The following MEMO1 variants were observed in gnomAD, a reference collection of about 807,000 sequenced individuals.
The protein encoded by MEMO1 is protein MEMO1.
MEMO1 carries 6 observed loss-of-function variants against 45.2 expected under a neutral mutation model. The ratio of observed to expected loss-of-function variants is 0.13; its 90% CI spans 0.07 to 0.26. The LOEUF is 0.26. Ranked by LOEUF, MEMO1 falls within the 10% of genes least tolerant of loss-of-function variation. The pLI is 1.00. For missense variants in MEMO1, 184 were observed against 370.5 expected (o/e 0.50, Z 4.13); for synonymous variants, 78 against 124.3 (o/e 0.63, Z 2.48).
intron 6 of MEMO1, among the ~76,000 whole-genome samples, chr2:31,896,438 A>T (rs1402973736): frequency 6.6e-6 from 1 of 152,180 alleles, no homozygotes; most frequent in East Asian, 1.9e-4. Flanking sequence ...TCAACAGTTC[A>T]GGTAGAGAAA....
chr2:31,942,040 C>A (rs976667310), intron 3 of MEMO1, among the ~76,000 whole-genome samples: 1 of 152,110 alleles, frequency 6.6e-6, no homozygotes, highest in African/African-American at 2.4e-5. Context: ...CAGAGTAAAC[C>A]TTCACTCTTC....
At chr2:32,002,182 T>TACACAC (rs1456569960) in intron 2 of MEMO1, among the ~76,000 whole-genome samples, 2 of 120,288 alleles carry the variant, frequency 1.7e-5, no homozygotes, top group South Asian at 5.4e-4. Context: ...TATATATATA[T>TACACAC]ATATACACAC....
chr2:31,932,183 G>T, intron 3 of MEMO1, 48 bp from the exon 4 acceptor site: 1 of 1,526,204 alleles, frequency 6.6e-7, no homozygotes, highest in Non-Finnish European at 9.1e-7. Context: ...TCAAAATCAA[G>T]ATATTCTAGA....
At chr2:31,995,804 T>C (rs1446121724) in intron 2 of MEMO1, among the ~76,000 whole-genome samples, 1 of 152,058 alleles carries the variant, frequency 6.6e-6, no homozygotes, top group Admixed American at 6.6e-5. Flanking sequence ...CCCCAAGGGA[T>C]AAATTCAAAA....
chr2:31,993,944 ACTTTCT>A (rs1672247680), intron 2 of MEMO1, among the ~76,000 whole-genome samples: 1 of 133,880 alleles, frequency 7.5e-6, no homozygotes, highest in African/African-American at 2.9e-5. Flanking sequence ...TATCATCAAT[ACTTTCT>A]TTTTTTTTTT....
intron 2 of MEMO1, among the ~76,000 whole-genome samples, chr2:31,980,200 G>A (rs926764824): frequency 1.3e-5 from 2 of 152,154 alleles, no homozygotes; most frequent in African/African-American, 4.8e-5. Flanking sequence ...GAGGGGATGA[G>A]GCAGGCGGAT....
At chr2:31,875,880 T>C (rs1338962489) in intron 8 of MEMO1, among the ~76,000 whole-genome samples, 1 of 151,590 alleles carries the variant, frequency 6.6e-6, no homozygotes, top group Non-Finnish European at 1.5e-5. Context: ...AGAAAGGGGG[T>C]TTCGTCATGT....
intron 2 of MEMO1, among the ~76,000 whole-genome samples, chr2:31,979,095 G>A (rs562729178): frequency 9.2e-5 from 14 of 152,252 alleles, no homozygotes; most frequent in Non-Finnish European, 1.6e-4. Flanking sequence ...AAGGTGAGGG[G>A]GAAGCAAGGA....
chr2:31,942,273 TGCTATTCCA>T (rs1439002505), intron 3 of MEMO1, among the ~76,000 whole-genome samples: 1 of 152,182 alleles, frequency 6.6e-6, no homozygotes, highest in Non-Finnish European at 1.5e-5. Context: ...AAAATTAAGT[TGCTATTCCA>T]TGTTGCACCA....
intron 2 of MEMO1, among the ~76,000 whole-genome samples, chr2:31,966,746 G>GAAAAAAAAAAAAAAAAA (rs1668668953): frequency 9.7e-6 from 1 of 102,684 alleles, no homozygotes; most frequent in Non-Finnish European, 2.2e-5. Context: ...AAAAAAAAAT[G>GAAAAAAAAAAAAAAAAA]AAAAAAATAA....
chr2:31,899,617 T>C (rs1330359800), intron 6 of MEMO1, among the ~76,000 whole-genome samples: 3 of 152,164 alleles, frequency 2.0e-5, no homozygotes, highest in East Asian at 1.9e-4. Context: ...TCAGGACATA[T>C]GCATGGGCAA....
intron 2 of MEMO1, among the ~76,000 whole-genome samples, chr2:32,008,545 T>C (rs373411127): frequency 5.9e-5 from 9 of 152,118 alleles, no homozygotes; most frequent in South Asian, 4.2e-4. Flanking sequence ...GATCGAGCCA[T>C]TGCACTCCAG....
intron 6 of MEMO1, among the ~76,000 whole-genome samples, chr2:31,906,352 C>A: frequency 6.6e-6 from 1 of 150,904 alleles, no homozygotes; most frequent in East Asian, 2.0e-4. Flanking sequence ...GAGATAGAGT[C>A]TCGCCCTGTC....
chr2:31,958,552 T>C (rs1667655927), intron 2 of MEMO1, among the ~76,000 whole-genome samples: 1 of 152,108 alleles, frequency 6.6e-6, no homozygotes, highest in Non-Finnish European at 1.5e-5. Flanking sequence ...TTCCTGCTCT[T>C]AGGCCGAATC....
intron 2 of MEMO1, among the ~76,000 whole-genome samples, chr2:31,997,148 A>C (rs551605462): frequency 1.2e-4 from 19 of 152,334 alleles, no homozygotes; most frequent in African/African-American, 4.6e-4. Flanking sequence ...TTGAGGTAAT[A>C]ATAAAGACAA....
intron 8 of MEMO1, among the ~76,000 whole-genome samples, chr2:31,881,981 C>CA (rs1356040356): frequency 1.3e-5 from 2 of 151,886 alleles, no homozygotes; most frequent in African/African-American, 2.4e-5. Context: ...CCTGTCTTTA[C>CA]AAAAAATACA....
At position 31,912,444 on chromosome 2, in the gene MEMO1, C is replaced by T. The variant is rs548472282; in HGVS notation, c.437+5482G>A. Among the ~76,000 whole-genome samples, 61 of 142,232 alleles carry T rather than the reference C, an allele frequency of 4.3e-4. 1 individual carries two copies. The South Asian group carries it at 0.014, about 32-fold the overall frequency. The allele number at this position is 142,232 out of a possible 152,430, so 93.3% of individuals were successfully genotyped here. On this transcript the variant is annotated intron_variant, in intron 6 of 9. Transcript: ENST00000404530. ...AGGAGAATCACCTGAACCCAGGAGG[C>T]GGAGGTTGCAGTGAGCTGAGATCAT...
chr2:31,919,508 C>A (rs1681954093), intron 5 of MEMO1, among the ~76,000 whole-genome samples: 1 of 152,000 alleles, frequency 6.6e-6, no homozygotes, highest in Admixed American at 6.6e-5. Context: ...AACAATAGCA[C>A]CCCTAACATA....
chr2:31,926,428 G>A (rs756368965), intron 4 of MEMO1, among the ~76,000 whole-genome samples: 4 of 150,718 alleles, frequency 2.7e-5, no homozygotes, highest in Non-Finnish European at 4.4e-5. Context: ...TAATATACTT[G>A]TTGTCAATGA....
Sources: allele counts gnomAD v4.1 joint callset (sites outside exome capture counted in the v4.1 genomes callset), GRCh38; gene constraint gnomAD v4.1.1; transcripts MANE v1.5; gene names NCBI Gene and HGNC (gene_info 2026-07-23, HGNC 2026-07-21).